PHF20L1: variants seen among roughly 807,000 people sequenced by gnomAD.
PHF20L1 encodes PHD finger protein 20 like 1.
In PHF20L1, 44 loss-of-function variants were observed where a neutral mutation model predicts 125.5. The ratio of observed to expected loss-of-function variants is 0.35; its 90% CI spans 0.28 to 0.45. The LOEUF is 0.45. Among genes scored for constraint, PHF20L1 ranks in the 20% least tolerant of loss-of-function variants. The probability of loss-of-function intolerance (pLI) is 1.00; values close to 1 mark genes in which losing one functional copy is unlikely to be tolerated. For missense variants in PHF20L1, 1,012 were observed against 1,217.2 expected (o/e 0.83, Z 2.51); for synonymous variants, 380 against 403.1 (o/e 0.94, Z 0.69).
At position 132,814,662 on chromosome 8, in the gene PHF20L1, A is replaced by G. The variant is rs1368591381; in HGVS notation, c.956A>G (p.Gln319Arg). The G allele has an allele frequency of 6.2e-7, 1 of 1,602,684 alleles. No individual in the cohort carries two copies. The highest frequency in any genetic ancestry group is 8.5e-7 in the Non-Finnish European group (1 of 1,174,626). Residue 319 changes from glutamine to arginine, a missense_variant, in exon 10 of 21, where the codon CAG (glutamine) becomes CGG (arginine). Physicochemically the swap from Gln to Arg is conservative, Grantham distance 43. Coordinates refer to ENST00000395386, the MANE Select transcript of PHF20L1 (RefSeq NM_016018.5). ...EQAISPKPQS[Q>R]KKNEADISSS... Reference sequence around the variant, plus strand: ...GCGATTTCACCTAAACCTCAAAGTCAGAAAAAAAATGAAGCTGACATTAGC... The same window carrying G: ...GCGATTTCACCTAAACCTCAAAGTCGGAAAAAAAATGAAGCTGACATTAGC...
chr8:132,845,400 C>G (rs542504097), intron 20 of PHF20L1, among the ~76,000 whole-genome samples: 2 of 151,994 alleles, frequency 1.3e-5, no homozygotes, highest in Non-Finnish European at 2.9e-5. Flanking sequence ...TAATAGAAAG[C>G]TTGAGCAAAC....
chr8:132,827,604 A>G (rs553906656), intron 14 of PHF20L1, among the ~76,000 whole-genome samples: 1 of 152,144 alleles, frequency 6.6e-6, no homozygotes, highest in East Asian at 1.9e-4. Flanking sequence ...GCAAAATATG[A>G]GGGCTAGAGC....
intron 2 of PHF20L1, among the ~76,000 whole-genome samples, chr8:132,790,072 A>G (rs1412498358): frequency 2.0e-5 from 3 of 152,162 alleles, no homozygotes; most frequent in African/African-American, 7.2e-5. Context: ...CTATTCTTTA[A>G]TTTAACAGCT....
chr8:132,784,170 A>G (rs1830742572), intron 2 of PHF20L1, among the ~76,000 whole-genome samples: 2 of 152,308 alleles, frequency 1.3e-5, no homozygotes, highest in African/African-American at 4.8e-5. Context: ...ATTTATTTGA[A>G]AACACACCTG....
chr8:132,848,511 A>G lies in PHF20L1; in HGVS notation c.*2588A>G, dbSNP rs1032546816. 1.3e-5 allele frequency: 2 copies of G among 152,544 alleles called. No homozygotes were observed. Among genetic ancestry groups the G allele is most frequent in the African/African-American group, 2.4e-5 (1 of 41,454 alleles). The allele number at this position is 152,544 out of a possible 1,614,324, so 9.4% of individuals were successfully genotyped here. On this transcript the variant is annotated 3_prime_UTR_variant, in exon 21 of 21. Coordinates refer to ENST00000395386, the MANE Select transcript of PHF20L1 (RefSeq NM_016018.5). ...AGAGAGAGTGTTTCTTGAAAAGACA[A>G]TGTTTTATTTGCCACCAGGCAGAAC...
intron 10 of PHF20L1, chr8:132,816,661 C>A: frequency 2.6e-6 from 1 of 387,232 alleles, no homozygotes; most frequent in Non-Finnish European, 4.6e-6. Flanking sequence ...ATTTTATTTT[C>A]TTTTAGTTCT....
At chr8:132,795,914 CTT>C (rs900582876) in intron 4 of PHF20L1, among the ~76,000 whole-genome samples, 7 of 152,108 alleles carry the variant, frequency 4.6e-5, no homozygotes, top group Admixed American at 6.6e-5. Context: ...CTCAATCTCT[CTT>C]GTCTCTCTCT....
intron 12 of PHF20L1, among the ~76,000 whole-genome samples, chr8:132,819,196 A>G (rs991813872): frequency 1.4e-4 from 21 of 152,072 alleles, no homozygotes; most frequent in African/African-American, 5.1e-4. Flanking sequence ...TTGGAAAAGT[A>G]AAATAAGTAA....
chr8:132,799,789 G>A (rs896875592), intron 6 of PHF20L1: 8 of 151,826 alleles, frequency 5.3e-5, no homozygotes, highest in Non-Finnish European at 1.2e-4. Context: ...AGAAATAAGT[G>A]TGATTGTTTT....
At chr8:132,813,472 G>T (rs541286022) in intron 9 of PHF20L1, among the ~76,000 whole-genome samples, 1 of 151,942 alleles carries the variant, frequency 6.6e-6, no homozygotes, top group Non-Finnish European at 1.5e-5. Context: ...ATCTCAGTGG[G>T]AACAGAATTA....
At chr8:132,818,648 G>A (rs1489531732) in intron 12 of PHF20L1, 1 of 151,698 alleles carries the variant, frequency 6.6e-6, no homozygotes, top group Non-Finnish European at 1.5e-5. Context: ...AACATTTCCT[G>A]TAGTTTCTCA....
At chr8:132,825,516 A>G (rs1473915869) in intron 14 of PHF20L1, 145 bp downstream of exon 14, 7 of 607,326 alleles carry the variant, frequency 1.2e-5, no homozygotes, top group African/African-American at 1.9e-5. Flanking sequence ...TTCCTTTGAC[A>G]TGAAATTTCA....
chr8:132,829,520 A>G (rs1836542295), intron 14 of PHF20L1, among the ~76,000 whole-genome samples: 1 of 152,034 alleles, frequency 6.6e-6, no homozygotes, highest in African/African-American at 2.4e-5. Flanking sequence ...GTGTTGGGCA[A>G]ACTGTGGTTA....
rs1488621670 is a variant in PHF20L1, at chr8:132,792,966, T to TC, written c.84-1444_84-1443insC. On this transcript the variant is annotated intron_variant, in intron 2 of 20. Coordinates refer to ENST00000395386, the MANE Select transcript of PHF20L1 (RefSeq NM_016018.5). Reference sequence around the variant, plus strand: ...TTATTTGAGAAGACCCCTTTTTTCTTTTTTTTTTTTTTTTTTAGTGCCACA... The same window carrying TC: ...TTATTTGAGAAGACCCCTTTTTTCTTCTTTTTTTTTTTTTTTTAGTGCCACA... Among the ~76,000 whole-genome samples the TC allele has an allele frequency of 1.7e-3, 232 of 139,120 alleles. 1 individual carries two copies. The highest frequency in any genetic ancestry group is 2.9e-3 in the Non-Finnish European group (189 of 65,576). The allele number at this position is 139,120 out of a possible 152,430, so 91.3% of individuals were successfully genotyped here. A position where few individuals can be genotyped will look rare whatever the true frequency, so the allele number is the denominator to read the frequency against.
rs1035653539 is a variant in PHF20L1 at position 132,810,886 on chromosome 8, T to C, written c.848-160T>C. 5.2e-6 allele frequency: 3 copies of C among 576,198 alleles called. No homozygotes were observed. In the East Asian group the frequency reaches 9.0e-5, roughly 17 times the overall value. The allele number at this position is 576,198 out of a possible 1,614,324, so 35.7% of individuals were successfully genotyped here. On this transcript the variant is annotated intron_variant, in intron 8 of 20. Coordinates refer to ENST00000395386, the MANE Select transcript of PHF20L1 (RefSeq NM_016018.5). ...AGTTCTGATTCAGTCCCTTGGCTTATTATTAAGCATATTTGTATTTTTGAA... is the reference window on the plus strand; with the variant it reads ...AGTTCTGATTCAGTCCCTTGGCTTACTATTAAGCATATTTGTATTTTTGAA...
At chr8:132,836,507 T>A in intron 15 of PHF20L1, 33 bp from the exon 16 acceptor site, 1 of 1,365,754 alleles carries the variant, frequency 7.3e-7, no homozygotes, top group Non-Finnish European at 1.0e-6. Flanking sequence ...AATAGAAAAG[T>A]TGTTCTAAGT....
intron 2 of PHF20L1, 115 bp downstream of exon 2, chr8:132,778,026 C>A: frequency 1.5e-6 from 1 of 661,348 alleles, no homozygotes. Flanking sequence ...ATTCACATTT[C>A]GATTACACAT....
Position 132,845,838 on chromosome 8 carries a change from G to C in PHF20L1, c.2969G>C (p.Arg990Thr). 4 of 1,611,386 alleles carry C rather than the reference G, an allele frequency of 2.5e-6. No individual in the cohort carries two copies. The highest frequency in any genetic ancestry group is 3.4e-6 in the Non-Finnish European group (4 of 1,177,764). ...TTGGAGCCACCAGATCCTCTTGCAA[G>C]ATTGCCCCAACTTAAACGCCACATA... ...GELEPPDPLA[R>T]LPQLKRHIKQ... The change falls in exon 21 of 21, where the codon AGA becomes ACA. Residue 990 changes from arginine to threonine, a missense_variant. By Grantham distance (71) the Arg-to-Thr change is moderately conservative. Around this residue, in one of 7 missense-constraint regions of PHF20L1, gnomAD observed 277 missense variants for 283.6 expected, o/e 0.98. Coordinates refer to ENST00000395386, the MANE Select transcript of PHF20L1 (RefSeq NM_016018.5).
chr8:132,834,028 T>G (rs1249075290), intron 15 of PHF20L1, among the ~76,000 whole-genome samples: 1 of 152,050 alleles, frequency 6.6e-6, no homozygotes, highest in African/African-American at 2.4e-5. Flanking sequence ...AATGACAATT[T>G]AAGGGGTAGT....
Sources: gnomAD v4.1 joint callset for allele counts (sites outside exome capture counted in the v4.1 genomes callset) on GRCh38, gnomAD v4.1.1 for gene constraint, gnomAD v4.1.1 regional missense constraint, MANE v1.5 for transcripts, NCBI Gene and HGNC (gene_info 2026-07-23, HGNC 2026-07-21) for gene names.